HNRNPC: variants seen among roughly 807,000 people sequenced by gnomAD.
The protein encoded by HNRNPC is heterogeneous nuclear ribonucleoproteins C1/C2.
In HNRNPC, 3 loss-of-function variants were observed where a neutral mutation model predicts 33.2. The observed-to-expected ratio is 0.09, with a 90% CI of 0.04 to 0.23. The LOEUF is 0.23. Ranked by LOEUF, HNRNPC falls within the 10% of genes least tolerant of loss-of-function variation. HNRNPC has a pLI of 1.00. For synonymous variants in HNRNPC, 121 were observed against 126.7 expected (o/e 0.96, Z 0.30); for missense variants, 143 against 366.7 (o/e 0.39, Z 4.98).
intron 2 of HNRNPC, among the ~76,000 whole-genome samples, chr14:21,247,616 C>T (rs778280400): frequency 2.6e-5 from 4 of 152,036 alleles, no homozygotes; most frequent in Non-Finnish European, 5.9e-5. Context: ...TTAGGTAACT[C>T]ATACTTCCAA....
intron 2 of HNRNPC, among the ~76,000 whole-genome samples, chr14:21,251,134 G>A (rs116934782): frequency 0.017 from 2,605 of 151,702 alleles, 34 homozygotes; most frequent in Non-Finnish European, 0.027. Flanking sequence ...GGTGGAGGGC[G>A]CCTGTAGTCC....
intron 2 of HNRNPC, among the ~76,000 whole-genome samples, chr14:21,251,260 CAAAAAAAAAAA>C (rs71419116): frequency 3.0e-3 from 147 of 49,494 alleles, no homozygotes; most frequent in African/African-American, 0.011. Context: ...GACTCCCTCT[CAAAAAAAAAAA>C]AAAAAAAAAA....
At chr14:21,232,722 GCTCATCAAATGACCAACTGAAAACTGA>G (rs1259122436) in intron 3 of HNRNPC, among the ~76,000 whole-genome samples, 2 of 152,116 alleles carry the variant, frequency 1.3e-5, no homozygotes, top group Non-Finnish European at 2.9e-5. Flanking sequence ...TACAAAAGCA[GCTCATCAAATGACCAACTGAAAACTGA>G]CTCAGGCCAG....
At chr14:21,227,731 C>A (rs1052910412) in intron 5 of HNRNPC, among the ~76,000 whole-genome samples, 1 of 152,094 alleles carries the variant, frequency 6.6e-6, no homozygotes. Flanking sequence ...TTCAAATTTC[C>A]CCATTCACAA....
rs948335501 is a variant in HNRNPC at position 21,211,568 on chromosome 14, T to G, written c.638-2A>C. ...CTGACTTATCATTCTTCATCTCTAC[T>G]GCGGATGAGAAGGACAAGTCTGTCT... On this transcript the variant is annotated splice_acceptor_variant, in intron 7 of 8. Transcript: ENST00000553300. LOFTEE classifies it high-confidence loss of function. 4 of 1,605,154 alleles carry G rather than the reference T, an allele frequency of 2.5e-6. No homozygotes were observed. The highest frequency in any genetic ancestry group is 3.4e-6 in the Non-Finnish European group (4 of 1,175,276).
At position 21,210,205 on chromosome 14, in the gene HNRNPC, TCTC is replaced by T. The variant is rs977560839; in HGVS notation, c.*1015_*1017del. 2 of 152,102 alleles carry T rather than the reference TCTC, an allele frequency of 1.3e-5. No individual in the cohort carries two copies. Among genetic ancestry groups the T allele is most frequent in the African/African-American group, 4.8e-5 (2 of 41,410 alleles). 9.4% of individuals were successfully genotyped at this position (152,102 alleles called of 1,614,324 possible). ...CCTGAAATCTTGATGTTTTTGAGCC[TCTC>T]CTATTTAAGGACAAAACCATTTAGC... On this transcript the variant is annotated 3_prime_UTR_variant, in exon 9 of 9. Coordinates refer to ENST00000553300, the MANE Select transcript of HNRNPC (RefSeq NM_004500.4).
At chr14:21,242,676 A>C (rs550806915) in intron 2 of HNRNPC, among the ~76,000 whole-genome samples, 1 of 152,342 alleles carries the variant, frequency 6.6e-6, no homozygotes, top group Admixed American at 6.5e-5. Flanking sequence ...GAAGACCTGG[A>C]GGTCTCAACC....
At chr14:21,259,361 T>C (rs1275849386) in intron 2 of HNRNPC, among the ~76,000 whole-genome samples, 1 of 152,198 alleles carries the variant, frequency 6.6e-6, no homozygotes, top group Non-Finnish European at 1.5e-5. Flanking sequence ...GCCATTTACT[T>C]TGTTTCTTCC....
intron 1 of HNRNPC, chr14:21,264,202 T>G (rs2139050130): frequency 6.6e-6 from 1 of 152,262 alleles, no homozygotes; most frequent in African/African-American, 2.4e-5. Flanking sequence ...CCTAAGCAGA[T>G]TCATGGGTTT....
chr14:21,221,349 A>C (rs2048224639), intron 5 of HNRNPC, among the ~76,000 whole-genome samples: 1 of 152,180 alleles, frequency 6.6e-6, no homozygotes, highest in African/African-American at 2.4e-5. Flanking sequence ...TGATTTTTGC[A>C]GCATTCTAGA....
intron 5 of HNRNPC, among the ~76,000 whole-genome samples, chr14:21,224,816 AC>A (rs1431922412): frequency 6.6e-6 from 1 of 152,128 alleles, no homozygotes; most frequent in East Asian, 1.9e-4. Context: ...GTCATCTTTG[AC>A]CTGTGAGTTC....
At chr14:21,214,770 A>G (rs1048128462) in intron 5 of HNRNPC, among the ~76,000 whole-genome samples, 1 of 152,220 alleles carries the variant, frequency 6.6e-6, no homozygotes, top group Non-Finnish European at 1.5e-5. Flanking sequence ...TACAGAAACT[A>G]TAAAATATCA....
intron 3 of HNRNPC, 45 bp from the exon 4 acceptor site, chr14:21,231,117 G>A (rs977287452): frequency 1.3e-6 from 2 of 1,555,222 alleles, no homozygotes. Context: ...TTGTATCCGG[G>A]TAAAACAAAC....
chr14:21,238,445 T>C (rs1322866843), intron 2 of HNRNPC, among the ~76,000 whole-genome samples: 1 of 152,228 alleles, frequency 6.6e-6, no homozygotes, highest in African/African-American at 2.4e-5. Flanking sequence ...TTGTGATTAA[T>C]CTTTACAATC....
intron 2 of HNRNPC, among the ~76,000 whole-genome samples, chr14:21,245,333 T>C (rs547603746): frequency 6.6e-6 from 1 of 151,956 alleles, no homozygotes; most frequent in African/African-American, 2.4e-5. Flanking sequence ...GCGTCTCTAC[T>C]AAAAATACAA....
At chr14:21,229,399 C>T (rs1389390890) in intron 5 of HNRNPC, among the ~76,000 whole-genome samples, 5 of 151,930 alleles carry the variant, frequency 3.3e-5, no homozygotes, top group Admixed American at 1.3e-4. Flanking sequence ...CTGAGGAAAC[C>T]GCTAATGTCA....
chr14:21,253,309 T>C (rs1896867654), intron 2 of HNRNPC, among the ~76,000 whole-genome samples: 1 of 140,630 alleles, frequency 7.1e-6, no homozygotes, highest in Admixed American at 7.1e-5. Context: ...ACCCCATCTC[T>C]ACTAAAAAAA....
intron 2 of HNRNPC, among the ~76,000 whole-genome samples, chr14:21,237,842 G>T (rs1894886731): frequency 6.6e-6 from 1 of 151,914 alleles, no homozygotes; most frequent in Non-Finnish European, 1.5e-5. Flanking sequence ...AGCAATCTTG[G>T]CTCACTGCAA....
At chr14:21,239,968 A>G (rs747006569) in intron 2 of HNRNPC, among the ~76,000 whole-genome samples, 2 of 152,208 alleles carry the variant, frequency 1.3e-5, no homozygotes, top group African/African-American at 4.8e-5. Context: ...ATTATATACT[A>G]TAATTTCATT....
Sources: allele counts gnomAD v4.1 joint callset (sites outside exome capture counted in the v4.1 genomes callset), GRCh38; gene constraint gnomAD v4.1.1; transcripts MANE v1.5; gene names NCBI Gene and HGNC (gene_info 2026-07-23, HGNC 2026-07-21).